Variants in PIAS1 observed in about 807,000 individuals in gnomAD.
PIAS1 encodes protein inhibitor of activated STAT 1.
A neutral mutation model predicts 71.3 loss-of-function variants in PIAS1; 6 were observed. The ratio of observed to expected loss-of-function variants is 0.08; its 90% CI spans 0.05 to 0.17. PIAS1 has a LOEUF of 0.17. PIAS1 is among the 10% of genes least tolerant of loss of function. The pLI, the probability that PIAS1 is intolerant of heterozygous loss-of-function variation, is 1.00. For synonymous variants in PIAS1, 303 were observed against 292.9 expected (o/e 1.03, Z -0.35); for missense variants, 555 against 793.6 (o/e 0.70, Z 3.61).
chr15:68,105,198 C>G (rs1280881155), intron 2 of PIAS1, among the ~76,000 whole-genome samples: 2 of 152,134 alleles, frequency 1.3e-5, no homozygotes, highest in African/African-American at 4.8e-5. Flanking sequence ...TTAACTTCCT[C>G]TTAGCAGAGA....
In PIAS1 at chr15:68,167,455, C is replaced by T. The variant is rs2092964588; in HGVS notation, c.1008+2651C>T. Among the ~76,000 whole-genome samples, 1 of 151,976 alleles carries T rather than the reference C, an allele frequency of 6.6e-6. No individual in the cohort carries two copies. The highest frequency in any genetic ancestry group is 2.1e-4 in the South Asian group (1 of 4,826). On this transcript the variant is annotated intron_variant, in intron 8 of 13. Transcript: ENST00000249636. This position sits in a 1 kb window ranked among gnomAD's most constrained non-coding sequence, Gnocchi z 4.4. Reference sequence around the variant, plus strand: ...AGTTGCCCTTGTGATGTACAGAGCTCAAAATAAATGAGTTTCTTTTGTTTC... The same window carrying T: ...AGTTGCCCTTGTGATGTACAGAGCTTAAAATAAATGAGTTTCTTTTGTTTC...
At chr15:68,109,149 G>A (rs1487375187) in intron 2 of PIAS1, among the ~76,000 whole-genome samples, 3 of 151,988 alleles carry the variant, frequency 2.0e-5, no homozygotes, top group Non-Finnish European at 4.4e-5. Context: ...CTTGTCTTGG[G>A]CCTTGGCATG....
At chr15:68,065,915 C>CTTTTTTTTTTTTTTTTTTT (rs869104577) in intron 1 of PIAS1, among the ~76,000 whole-genome samples, 3 of 40,174 alleles carry the variant, frequency 7.5e-5, no homozygotes, top group Admixed American at 4.4e-4. Flanking sequence ...TGACTAAAAG[C>CTTTTTTTTTTTTTTTTTTT]TTTTTTTTTT....
chr15:68,109,930 G>A (rs1417944347), intron 2 of PIAS1, among the ~76,000 whole-genome samples: 1 of 152,144 alleles, frequency 6.6e-6, no homozygotes, highest in East Asian at 1.9e-4. Context: ...GTTAGTAGGT[G>A]CTCTTTGACC....
rs1418928064 is a variant in PIAS1, at chr15:68,193,206, G to C, written c.*5371G>C. 4.6e-5 allele frequency: 7 copies of C among 152,402 alleles called. No homozygotes were observed. Among genetic ancestry groups the C allele is most frequent in the Non-Finnish European group, 8.8e-5 (6 of 68,206 alleles). The allele number at this position is 152,402 out of a possible 1,614,324, so 9.4% of individuals were successfully genotyped here. A position where few individuals can be genotyped will look rare whatever the true frequency, so the allele number is the denominator to read the frequency against. On this transcript the variant is annotated 3_prime_UTR_variant, in exon 14 of 14. Coordinates refer to ENST00000249636, the MANE Select transcript of PIAS1 (RefSeq NM_016166.3). The stretch of plus-strand genomic sequence containing the variant: ...TTAACAGAGCCCAGGGAACAGCTCG[G>C]AATTCTCACAGCATTGGAAGCCCCC...
intron 2 of PIAS1, among the ~76,000 whole-genome samples, chr15:68,090,927 G>GGTGGGTGT (rs1555425135): frequency 1.4e-4 from 20 of 142,854 alleles, no homozygotes; most frequent in African/African-American, 5.2e-4. Flanking sequence ...GTCATTTACG[G>GGTGGGTGT]GTGTGTGTGT....
At chr15:68,088,430 A>G (rs2092305957) in intron 2 of PIAS1, among the ~76,000 whole-genome samples, 1 of 151,940 alleles carries the variant, frequency 6.6e-6, no homozygotes, top group Admixed American at 6.6e-5. Context: ...AAATAGCAAT[A>G]ATTGACTATA....
intron 2 of PIAS1, among the ~76,000 whole-genome samples, chr15:68,129,893 A>G (rs1023995261): frequency 2.6e-5 from 4 of 151,904 alleles, no homozygotes; most frequent in South Asian, 2.1e-4. Flanking sequence ...CAAATTTTTC[A>G]TAATGTTCAG....
At chr15:68,106,351 C>CAAAAAA (rs11313083) in intron 2 of PIAS1, among the ~76,000 whole-genome samples, 4 of 92,856 alleles carry the variant, frequency 4.3e-5, no homozygotes, top group Admixed American at 2.4e-4. Context: ...ATGACCTTTG[C>CAAAAAA]AAAAAAAAAA....
intron 2 of PIAS1, among the ~76,000 whole-genome samples, chr15:68,108,132 TG>T (rs1450376067): frequency 2.6e-5 from 4 of 152,202 alleles, no homozygotes; most frequent in Non-Finnish European, 5.9e-5. Flanking sequence ...TGCCAGCCCC[TG>T]CCACATTGCT....
chr15:68,089,092 A>G, intron 2 of PIAS1, among the ~76,000 whole-genome samples: 1 of 152,208 alleles, frequency 6.6e-6, no homozygotes, highest in East Asian at 1.9e-4. Context: ...CTTAAGCACT[A>G]GATTTAAACA....
In PIAS1 at chr15:68,083,195, TATTTC is replaced by T. The variant is rs552621990; in HGVS notation, c.25-3104_25-3100del. Among the ~76,000 whole-genome samples the T allele has an allele frequency of 2.1e-4, 32 of 152,334 alleles. No homozygotes were observed. In the South Asian group the frequency reaches 4.1e-3, roughly 20 times the overall value. On this transcript the variant is annotated intron_variant, in intron 1 of 13. Coordinates refer to ENST00000249636, the MANE Select transcript of PIAS1 (RefSeq NM_016166.3). ...AACACCTTAAATGCAGATTAAAATA[TATTTC>T]ATTTCAACAACTCAGATGTGTTAGT...
At chr15:68,137,793 C>G (rs1012337187) in intron 2 of PIAS1, among the ~76,000 whole-genome samples, 1 of 152,150 alleles carries the variant, frequency 6.6e-6, no homozygotes, top group African/African-American at 2.4e-5. Flanking sequence ...CTACTGACAT[C>G]ACATCTGGAA....
chr15:68,102,781 A>G (rs932450373), intron 2 of PIAS1, among the ~76,000 whole-genome samples: 1 of 152,164 alleles, frequency 6.6e-6, no homozygotes, highest in Non-Finnish European at 1.5e-5. Context: ...ATTTCTTCAT[A>G]GACTACCTTG....
intron 1 of PIAS1, among the ~76,000 whole-genome samples, chr15:68,080,743 T>A (rs1218119315): frequency 6.6e-6 from 1 of 152,254 alleles, no homozygotes; most frequent in East Asian, 1.9e-4. Flanking sequence ...TTTGCTTTTG[T>A]GGATGAAAGG....
At chr15:68,055,807 A>G in intron 1 of PIAS1, 1 of 643,002 alleles carries the variant, frequency 1.6e-6, no homozygotes, top group Non-Finnish European at 2.8e-6. Flanking sequence ...AGAACAACCA[A>G]ATGCCAGATT....
chr15:68,091,734 A>G (rs1416297533), intron 2 of PIAS1, among the ~76,000 whole-genome samples: 1 of 152,288 alleles, frequency 6.6e-6, no homozygotes, highest in East Asian at 1.9e-4. Context: ...AGCTTAACCT[A>G]CCTTAAATGT....
chr15:68,131,172 A>G (rs888446196), intron 2 of PIAS1, among the ~76,000 whole-genome samples: 8 of 152,206 alleles, frequency 5.3e-5, no homozygotes, highest in Non-Finnish European at 8.8e-5. Flanking sequence ...AATGCCCATT[A>G]ATAATTTTTT....
chr15:68,110,455 G>A (rs994355637), intron 2 of PIAS1, among the ~76,000 whole-genome samples: 2 of 152,074 alleles, frequency 1.3e-5, no homozygotes, highest in African/African-American at 2.4e-5. Flanking sequence ...AATTAGCCCG[G>A]TGTGGTGGCG....
Sources: gnomAD v4.1 joint callset for allele counts (sites outside exome capture counted in the v4.1 genomes callset) on GRCh38, gnomAD v4.1.1 for gene constraint, Gnocchi (gnomAD v3.1) non-coding constraint, MANE v1.5 for transcripts, NCBI Gene and HGNC (gene_info 2026-07-23, HGNC 2026-07-21) for gene names.